Variants in GPR157 observed in about 807,000 individuals in gnomAD.
GPR157 encodes the protein G protein-coupled receptor 157, also known as G-protein coupled receptor 157.
Under a neutral mutation model 23.5 loss-of-function variants are expected in GPR157, and 16 were observed. The ratio of observed to expected loss-of-function variants is 0.68; its 90% confidence interval spans 0.46 to 1.04. The LOEUF is 1.04. GPR157 is among the 50% of genes least tolerant of loss of function. GPR157 has a pLI of 0.00. For missense variants in GPR157, 440 were observed against 460.7 expected, an observed-to-expected ratio of 0.96 and a Z score of 0.41; for synonymous variants, 200 against 221.5, an observed-to-expected ratio of 0.90 and a Z score of 0.86.
intron 1 of GPR157, among the ~76,000 whole-genome samples, chr1:9,124,568 T>C (rs1037920236): frequency 5.9e-5 from 9 of 152,290 alleles, no homozygotes; most frequent in Non-Finnish European, 4.4e-5. Context: ...ATGGACAACA[T>C]AGGGCTATAA....
Position 9,120,428 on chromosome 1 carries a change from ACT to A in GPR157, c.383+8215_383+8216del, listed in dbSNP as rs1050874046. ...ACTCAGAAAACGCTTTGAGAACCAA[ACT>A]CTTGTGCAACAATATGCCAATTTAA... On this transcript the variant is annotated intron_variant, in intron 1 of 3. Transcript: ENST00000377411. The surrounding 1 kb of genome is among the most constrained non-coding windows in gnomAD (Gnocchi z 4.1). 3.9e-5 allele frequency among the ~76,000 whole-genome samples: 6 copies of A among 152,110 alleles called. No individual in the cohort carries two copies. Among genetic ancestry groups the A allele is most frequent in the African/African-American group, 1.4e-4 (6 of 41,408 alleles).
At chr1:9,111,094 G>C (rs1310555351) in intron 2 of GPR157, 182 bp downstream of exon 2, 8 of 663,664 alleles carry the variant, frequency 1.2e-5, no homozygotes, top group African/African-American at 3.5e-5. Context: ...TGCACGATCC[G>C]TGTAACACAG....
At chr1:9,113,335 A>T (rs1638555606) in intron 1 of GPR157, among the ~76,000 whole-genome samples, 1 of 152,212 alleles carries the variant, frequency 6.6e-6, no homozygotes, top group Non-Finnish European at 1.5e-5. Flanking sequence ...TTCAACATGA[A>T]TCTGAGGCCA....
At chr1:9,115,904 C>G (rs1464918419) in intron 1 of GPR157, among the ~76,000 whole-genome samples, 1 of 149,446 alleles carries the variant, frequency 6.7e-6, no homozygotes, top group East Asian at 2.0e-4. Flanking sequence ...TTGTCTACCG[C>G]TGCTTTCAGG....
intron 1 of GPR157, among the ~76,000 whole-genome samples, chr1:9,119,842 C>T (rs1296336460): frequency 6.6e-6 from 1 of 152,218 alleles, no homozygotes; most frequent in Non-Finnish European, 1.5e-5. Flanking sequence ...AGTGGAAGTA[C>T]TGCCGGGGAT....
At chr1:9,116,244 TAA>T (rs374942471) in intron 1 of GPR157, among the ~76,000 whole-genome samples, 1 of 500 alleles carries the variant, frequency 2.0e-3, no homozygotes, top group Non-Finnish European at 3.7e-3. Context: ...ATTATATATA[TAA>T]TTATATATAT....
At chr1:9,115,373 T>C (rs970709170) in intron 1 of GPR157, among the ~76,000 whole-genome samples, 19 of 152,232 alleles carry the variant, frequency 1.2e-4, no homozygotes, top group African/African-American at 4.6e-4. Flanking sequence ...CACAGAATGC[T>C]TTTGTTGATT....
chr1:9,125,600 C>A (rs116377730), intron 1 of GPR157, among the ~76,000 whole-genome samples: 1 of 152,098 alleles, frequency 6.6e-6, no homozygotes, highest in South Asian at 2.1e-4. Flanking sequence ...TCAGTGTTAG[C>A]GATGGTTTCT....
In GPR157 at chr1:9,118,810, T is replaced by A. The variant is rs977392063; in HGVS notation, c.384-7321A>T. Among the ~76,000 whole-genome samples the A allele has an allele frequency of 6.6e-6, 1 of 152,024 alleles. No homozygotes were observed. Among genetic ancestry groups the A allele is most frequent in the African/African-American group, 2.4e-5 (1 of 41,386 alleles). On this transcript the variant is annotated intron_variant, in intron 1 of 3. Transcript: ENST00000377411. The surrounding 1 kb of genome is among the most constrained non-coding windows in gnomAD (Gnocchi z 4.6). ...CCCAGCACTCTGGGAGGCCAAAGGA[T>A]CACTTGAACCCAGGAGAGTTTGAGA...
chr1:9,105,103 G>T lies in GPR157; in HGVS notation c.792+383C>A, dbSNP rs1638261368. Among the ~76,000 whole-genome samples the T allele has an allele frequency of 6.7e-6, 1 of 149,888 alleles. No homozygotes were observed. The highest frequency in any genetic ancestry group is 1.5e-5 in the Non-Finnish European group (1 of 67,742). Reference sequence around the variant, plus strand: ...CACATGCATACATGCACACACATGGGGTAGCTGGGAAGTGCTGTGTACCCC... The same window carrying T: ...CACATGCATACATGCACACACATGGTGTAGCTGGGAAGTGCTGTGTACCCC... On this transcript the variant is annotated intron_variant, in intron 3 of 3. Transcript: ENST00000377411. The surrounding 1 kb of genome is among the most constrained non-coding windows in gnomAD (Gnocchi z 4.8).
chr1:9,128,956 G>C lies in GPR157; in HGVS notation c.72C>G (p.Leu24=). ...CCAGCAGGCCCGAGCCGAGCGCGGA[G>C]AGTGCGCACGACAGCAGCACCACGG... is the stretch of plus-strand genomic sequence containing the variant. The part of the protein sequence containing the change: ...ERAVVLLSCA[L]SALGSGLLVA... Residue 24 remains leucine (L), a synonymous_variant, in exon 1 of 4, where the codon CTC becomes CTG. Coordinates refer to ENST00000377411, the MANE Select transcript of GPR157 (RefSeq NM_024980.5). This position sits in a 1 kb window ranked among gnomAD's most constrained non-coding sequence, Gnocchi z 6.3. The C allele has an allele frequency of 2.0e-6, 3 of 1,492,594 alleles. No homozygotes were observed. The highest frequency in any genetic ancestry group is 2.7e-6 in the Non-Finnish European group (3 of 1,123,226). The allele number at this position is 1,492,594 out of a possible 1,614,324, so 92.5% of individuals were successfully genotyped here. A position where few individuals can be genotyped will look rare whatever the true frequency, so the allele number is the denominator to read the frequency against.
intron 2 of GPR157, among the ~76,000 whole-genome samples, chr1:9,110,726 C>T (rs1638465957): frequency 1.3e-5 from 2 of 152,198 alleles, no homozygotes; most frequent in Non-Finnish European, 2.9e-5. Context: ...CGTAGGCTCT[C>T]CAGCCAGCCC....
In GPR157 at chr1:9,105,553, G is replaced by A. The variant is rs1003174216; in HGVS notation, c.725C>T (p.Thr242Ile). Residue 242 changes from threonine (T) to isoleucine (I), a missense_variant, in exon 3 of 4, where the codon ACC becomes ATC. Coordinates refer to ENST00000377411, the MANE Select transcript of GPR157 (RefSeq NM_024980.5). The surrounding 1 kb of genome is among the most constrained non-coding windows in gnomAD (Gnocchi z 4.8). ...LIFIGLRVWSTVRFVLTLCGS... is the reference protein window; with the variant it reads ...LIFIGLRVWSIVRFVLTLCGS... ...ACAGAGGGTCAGCACGAACCGCACG[G>A]TGCTCCAGACCCTGAGGCCGATGAA... The A allele has an allele frequency of 1.9e-6, 3 of 1,602,534 alleles. No individual in the cohort carries two copies. In the East Asian group the frequency reaches 6.7e-5, roughly 36 times the overall value.
At chr1:9,114,981 G>A (rs1222669368) in intron 1 of GPR157, among the ~76,000 whole-genome samples, 1 of 151,236 alleles carries the variant, frequency 6.6e-6, no homozygotes, top group African/African-American at 2.4e-5. Context: ...GGGAGGGGTT[G>A]TTTGAACACA....
chr1:9,109,533 C>T (rs1180107279), intron 2 of GPR157, among the ~76,000 whole-genome samples: 2 of 152,092 alleles, frequency 1.3e-5, no homozygotes, highest in Admixed American at 1.3e-4. Flanking sequence ...GCTGGGACTA[C>T]AGGTGTGTGC....
rs1406889378 is a variant in GPR157, at chr1:9,100,942, T to G, written c.*3477A>C. On this transcript the variant is annotated 3_prime_UTR_variant, in exon 4 of 4. Transcript: ENST00000377411. ...TGAGCCTGGGAGGTGGAGGCTGCAGTGAGCCATGATTGCATCACTGCACTC... is the reference window on the plus strand; with the variant it reads ...TGAGCCTGGGAGGTGGAGGCTGCAGGGAGCCATGATTGCATCACTGCACTC... 1 of 152,240 alleles carries G rather than the reference T, an allele frequency of 6.6e-6. No homozygotes were observed. Among genetic ancestry groups the G allele is most frequent in the Non-Finnish European group, 1.5e-5 (1 of 68,110 alleles). 9.4% of individuals were successfully genotyped at this position (152,240 alleles called of 1,614,324 possible).
At chr1:9,125,444 G>A (rs932989419) in intron 1 of GPR157, among the ~76,000 whole-genome samples, 5 of 152,196 alleles carry the variant, frequency 3.3e-5, no homozygotes, top group Admixed American at 2.0e-4. Flanking sequence ...TCAGGGGCCA[G>A]ACACAGCTCA....
At chr1:9,125,209 CT>C (rs1243854488) in intron 1 of GPR157, among the ~76,000 whole-genome samples, 4 of 151,494 alleles carry the variant, frequency 2.6e-5, no homozygotes, top group East Asian at 1.9e-4. Flanking sequence ...TGTTGGGTTA[CT>C]TTTTTTTTCT....
chr1:9,119,949 G>A (rs1446095274), intron 1 of GPR157, among the ~76,000 whole-genome samples: 2 of 152,170 alleles, frequency 1.3e-5, no homozygotes, highest in Non-Finnish European at 2.9e-5. Flanking sequence ...CTTGTCCCCA[G>A]GACAGCAATG....
Sources: gnomAD v4.1 joint callset for allele counts (sites outside exome capture counted in the v4.1 genomes callset) on GRCh38, gnomAD v4.1.1 for gene constraint, Gnocchi (gnomAD v3.1) non-coding constraint, MANE v1.5 for transcripts, NCBI Gene and HGNC (gene_info 2026-07-23, HGNC 2026-07-21) for gene names.